Variants in ADAMTSL1 observed in about 807,000 individuals in gnomAD.
ADAMTSL1 encodes the protein ADAMTS-like protein 1.
ADAMTSL1 carries 126 observed loss-of-function variants against 201.8 expected under a neutral mutation model. The observed-to-expected ratio is 0.62, with a 90% CI of 0.54 to 0.72. The LOEUF is 0.72. Among genes scored for constraint, ADAMTSL1 ranks in the 30% least tolerant of loss-of-function variants. The pLI, the probability that ADAMTSL1 is intolerant of heterozygous loss-of-function variation, is 0.00. For missense variants in ADAMTSL1, 2,679 were observed against 2,277.8 expected (o/e 1.18, Z -3.59); for synonymous variants, 1,121 against 903.4 (o/e 1.24, Z -4.32).
chr9:18,487,465 C>T (rs748697979), intron 1 of ADAMTSL1, among the ~76,000 whole-genome samples: 6 of 152,106 alleles, frequency 3.9e-5, no homozygotes, highest in South Asian at 2.1e-4. Flanking sequence ...TAATTTTGGA[C>T]GATTACCACT....
chr9:18,603,772 C>T (rs1188049368), intron 4 of ADAMTSL1, among the ~76,000 whole-genome samples: 5 of 152,124 alleles, frequency 3.3e-5, no homozygotes, highest in African/African-American at 4.8e-5. Flanking sequence ...ACATTAAATA[C>T]ATTCACGTTG....
intron 9 of ADAMTSL1, among the ~76,000 whole-genome samples, chr9:18,671,586 G>A (rs1420662875): frequency 6.6e-6 from 1 of 152,140 alleles, no homozygotes; most frequent in African/African-American, 2.4e-5. Context: ...GCCAAATAAT[G>A]AATTGTCTGG....
At position 18,816,316 on chromosome 9, in the gene ADAMTSL1, A is replaced by G. The variant is rs374716381; in HGVS notation, c.3806-793A>G. Among the ~76,000 whole-genome samples the G allele has an allele frequency of 1.1e-4, 17 of 152,200 alleles. No homozygotes were observed. The South Asian group carries it at 3.5e-3, about 32-fold the overall frequency. ...CAGTGGTGTGACCTCGGCTCATTGC[A>G]CCTTCCACCTCCCAGGTTCAAGTGA... On this transcript the variant is annotated intron_variant, in intron 20 of 28. Transcript: ENST00000380548.
At chr9:17,907,524 G>C (rs1279444793) in intron 1 of ADAMTSL1, among the ~76,000 whole-genome samples, 1 of 152,180 alleles carries the variant, frequency 6.6e-6, no homozygotes, top group Non-Finnish European at 1.5e-5. Context: ...GGGTGCCCGA[G>C]GATTGGCCCT....
chr9:18,091,404 T>C (rs904619160), intron 1 of ADAMTSL1, among the ~76,000 whole-genome samples: 82 of 152,316 alleles, frequency 5.4e-4, no homozygotes, highest in African/African-American at 1.9e-3. Flanking sequence ...TTAATAAACC[T>C]ATATAGAGTC....
chr9:18,310,558 C>G (rs1168436857), intron 2 of ADAMTSL1, among the ~76,000 whole-genome samples: 1 of 151,956 alleles, frequency 6.6e-6, no homozygotes, highest in Non-Finnish European at 1.5e-5. Flanking sequence ...TGAACAGACA[C>G]TTCTCAAAAG....
chr9:18,900,804 G>C (rs1286672687), intron 26 of ADAMTSL1, among the ~76,000 whole-genome samples: 1 of 151,898 alleles, frequency 6.6e-6, no homozygotes, highest in Non-Finnish European at 1.5e-5. Context: ...AGGAGGGAGA[G>C]CATCAAGACA....
rs555096650 is a variant in ADAMTSL1 at position 18,357,561 on chromosome 9, AT to A, written c.208-147259del. Among the ~76,000 whole-genome samples, 71 of 151,520 alleles carry A rather than the reference AT, an allele frequency of 4.7e-4. No individual in the cohort carries two copies. In the South Asian group the frequency reaches 0.013, roughly 27 times the overall value. On this transcript the variant is annotated intron_variant, in intron 2 of 29. Coordinates refer to the ADAMTSL1 transcript ENST00000680146. The stretch of plus-strand genomic sequence containing the variant: ...CAGAGATTAGCTTAAGCATTGCTAG[AT>A]TTTTTTTTCACTATCTCAAGTTTGC...
intron 3 of ADAMTSL1, among the ~76,000 whole-genome samples, chr9:18,557,453 A>C (rs1821172172): frequency 6.6e-6 from 1 of 152,222 alleles, no homozygotes; most frequent in East Asian, 1.9e-4. Flanking sequence ...GAAATGACCC[A>C]GGTTAACCTT....
At chr9:18,644,283 A>G (rs10963701) in intron 7 of ADAMTSL1, among the ~76,000 whole-genome samples, 6,589 of 152,082 alleles carry the variant, frequency 0.043, 192 homozygotes, top group South Asian at 0.086. Flanking sequence ...TGGATGCATT[A>G]TATATTAATT....
At chr9:18,555,898 G>A (rs776630666) in intron 3 of ADAMTSL1, among the ~76,000 whole-genome samples, 1 of 151,966 alleles carries the variant, frequency 6.6e-6, no homozygotes, top group African/African-American at 2.4e-5. Flanking sequence ...ACTTTGTGAG[G>A]TATTTATTGC....
At chr9:18,202,426 G>T (rs1381905347) in intron 2 of ADAMTSL1, among the ~76,000 whole-genome samples, 2 of 152,204 alleles carry the variant, frequency 1.3e-5, no homozygotes, top group Non-Finnish European at 2.9e-5. Context: ...CTTCAGTGGA[G>T]CTGGTACATA....
chr9:18,814,316 G>A (rs571852840), intron 20 of ADAMTSL1, among the ~76,000 whole-genome samples: 3 of 152,274 alleles, frequency 2.0e-5, no homozygotes, highest in East Asian at 1.9e-4. Context: ...TTATATACAT[G>A]TTCTTCAGGG....
intron 1 of ADAMTSL1, among the ~76,000 whole-genome samples, chr9:18,033,584 T>C (rs891160663): frequency 2.0e-5 from 3 of 152,164 alleles, no homozygotes; most frequent in Non-Finnish European, 2.9e-5. Flanking sequence ...GGAGGCAAGA[T>C]TAGAAATATG....
intron 2 of ADAMTSL1, among the ~76,000 whole-genome samples, chr9:18,258,849 T>C (rs1831800543): frequency 6.6e-6 from 1 of 152,214 alleles, no homozygotes; most frequent in African/African-American, 2.4e-5. Flanking sequence ...TTTTATTCAG[T>C]CTTTATTATA....
chr9:18,432,462 G>T (rs1319885816), intron 2 of ADAMTSL1, among the ~76,000 whole-genome samples: 2 of 152,000 alleles, frequency 1.3e-5, no homozygotes, highest in Non-Finnish European at 2.9e-5. Context: ...TGCTAAAATA[G>T]TCATATAGTA....
intron 2 of ADAMTSL1, among the ~76,000 whole-genome samples, chr9:18,310,041 C>T (rs1011315008): frequency 6.6e-6 from 1 of 152,108 alleles, no homozygotes; most frequent in Non-Finnish European, 1.5e-5. Context: ...CACACATCTA[C>T]AACCATCTGA....
chr9:18,295,733 A>C (rs1037716640), intron 2 of ADAMTSL1, among the ~76,000 whole-genome samples: 4 of 152,198 alleles, frequency 2.6e-5, no homozygotes, highest in African/African-American at 7.2e-5. Flanking sequence ...TTTGCAAACA[A>C]TTCTAAATAG....
chr9:18,882,145 T>C (rs918556457), intron 23 of ADAMTSL1, among the ~76,000 whole-genome samples: 2 of 152,218 alleles, frequency 1.3e-5, no homozygotes, highest in African/African-American at 4.8e-5. Flanking sequence ...CACTCCTTTT[T>C]CTGCCTAAAT....
Sources: gnomAD v4.1 joint callset for allele counts (sites outside exome capture counted in the v4.1 genomes callset) on GRCh38, gnomAD v4.1.1 for gene constraint, MANE v1.5 for transcripts, NCBI Gene and HGNC (gene_info 2026-07-23, HGNC 2026-07-21) for gene names.